Variants in RPS6KC1 observed in about 807,000 individuals in gnomAD.
The protein encoded by RPS6KC1 is inactive ribosomal protein S6 kinase delta-1.
Under a neutral mutation model 103.8 loss-of-function variants are expected in RPS6KC1, and 54 were observed. The observed-to-expected ratio is 0.52, with a 90% CI of 0.42 to 0.65. The LOEUF is 0.65. RPS6KC1 is among the 30% of genes least tolerant of loss of function. The probability of loss-of-function intolerance (pLI) is 0.00; values close to 1 mark genes in which losing one functional copy is unlikely to be tolerated. For synonymous variants in RPS6KC1, 439 were observed against 438.7 expected, an observed-to-expected ratio of 1.00 and a Z score of -0.01; for missense variants, 1,151 against 1,253.8, an observed-to-expected ratio of 0.92 and a Z score of 1.24.
chr1:213,060,570 T>C (rs2148345938), intron 1 of RPS6KC1, among the ~76,000 whole-genome samples: 1 of 152,330 alleles, frequency 6.6e-6, no homozygotes, highest in South Asian at 2.1e-4. Flanking sequence ...AAAATTTCAG[T>C]AAATGGAACT....
intron 6 of RPS6KC1, among the ~76,000 whole-genome samples, chr1:213,165,239 A>G (rs2090853011): frequency 6.6e-6 from 1 of 151,970 alleles, no homozygotes. Flanking sequence ...GTATTTATGT[A>G]TAAGGTTACT....
chr1:213,220,117 T>C (rs1476298467), intron 8 of RPS6KC1, among the ~76,000 whole-genome samples: 1 of 152,192 alleles, frequency 6.6e-6, no homozygotes, highest in East Asian at 1.9e-4. Flanking sequence ...TGTAGAAATA[T>C]TGATATTTAC....
the RPS6KC1 span, among the ~76,000 whole-genome samples, chr1:213,351,420 A>G: frequency 6.6e-6 from 1 of 152,208 alleles, no homozygotes; most frequent in Non-Finnish European, 1.5e-5. Context: ...GTAGCTTTGG[A>G]GCCAATGCAA....
At chr1:213,403,932 G>T in the RPS6KC1 span, among the ~76,000 whole-genome samples, 1 of 152,182 alleles carries the variant, frequency 6.6e-6, no homozygotes, top group Non-Finnish European at 1.5e-5. Context: ...CTGTGTCTTA[G>T]TTTGGGTTCT....
At chr1:213,444,128 C>T in the RPS6KC1 span, among the ~76,000 whole-genome samples, 1 of 152,124 alleles carries the variant, frequency 6.6e-6, no homozygotes, top group Admixed American at 6.5e-5. Context: ...CTTTAGCATT[C>T]CTTGGCTTGT....
At chr1:213,149,562 G>A (rs58900845) in intron 6 of RPS6KC1, among the ~76,000 whole-genome samples, 7,253 of 152,240 alleles carry the variant, frequency 0.048, 581 homozygotes, top group African/African-American at 0.17. Flanking sequence ...TTTGTGACCT[G>A]ACATATGGTC....
the RPS6KC1 span, among the ~76,000 whole-genome samples, chr1:213,516,712 G>T: frequency 6.6e-6 from 1 of 152,174 alleles, no homozygotes; most frequent in Admixed American, 6.5e-5. Context: ...TCTCTGCCAG[G>T]CTTTGGTGTC....
chr1:213,135,295 G>T (rs1023209955), intron 6 of RPS6KC1, among the ~76,000 whole-genome samples: 4 of 151,954 alleles, frequency 2.6e-5, no homozygotes, highest in African/African-American at 9.7e-5. Context: ...TTTATCTTAA[G>T]TTTGAACCCA....
chr1:213,269,372 C>T (rs61832499), intron 14 of RPS6KC1, among the ~76,000 whole-genome samples: 5,288 of 152,232 alleles, frequency 0.035, 114 homozygotes, highest in Middle Eastern at 0.054. Context: ...CTCAATACCC[C>T]ATTCTCCATG....
the RPS6KC1 span, among the ~76,000 whole-genome samples, chr1:213,287,832 TG>T: frequency 6.6e-5 from 10 of 152,220 alleles, no homozygotes; most frequent in Non-Finnish European, 1.3e-4. Flanking sequence ...CTAGCACCAC[TG>T]GGGCTCTAGA....
chr1:213,551,144 C>T, the RPS6KC1 span, among the ~76,000 whole-genome samples: 2 of 152,180 alleles, frequency 1.3e-5, no homozygotes, highest in Non-Finnish European at 2.9e-5. Context: ...AGCAATTCCC[C>T]TCCAGGTCCC....
chr1:213,313,307 C>G, the RPS6KC1 span, among the ~76,000 whole-genome samples: 1 of 152,052 alleles, frequency 6.6e-6, no homozygotes. Flanking sequence ...AGGGAGATGT[C>G]AGTCTCTTCT....
chr1:213,146,210 A>C (rs1389782859), intron 6 of RPS6KC1, among the ~76,000 whole-genome samples: 2 of 151,610 alleles, frequency 1.3e-5, no homozygotes, highest in African/African-American at 4.8e-5. Context: ...TGGCGTCGCA[A>C]ATGACAGGAT....
the RPS6KC1 span, among the ~76,000 whole-genome samples, chr1:213,742,912 G>A: frequency 2.0e-5 from 3 of 152,236 alleles, no homozygotes; most frequent in Non-Finnish European, 4.4e-5. Context: ...AGAGAAACGG[G>A]AACACTTATA....
chr1:213,575,987 G>A, the RPS6KC1 span, among the ~76,000 whole-genome samples: 2 of 152,132 alleles, frequency 1.3e-5, no homozygotes, highest in African/African-American at 4.8e-5. Context: ...GTAAAATGGG[G>A]GTTGTTTGAC....
chr1:213,083,362 C>T (rs2080079798), intron 3 of RPS6KC1, among the ~76,000 whole-genome samples: 1 of 152,206 alleles, frequency 6.6e-6, no homozygotes, highest in African/African-American at 2.4e-5. Context: ...ATTTGCCCTG[C>T]TGGATTTCAG....
At chr1:213,632,707 G>A in the RPS6KC1 span, among the ~76,000 whole-genome samples, 127 of 152,318 alleles carry the variant, frequency 8.3e-4, no homozygotes, top group African/African-American at 2.7e-3. Context: ...TTGATAAGTC[G>A]ACAGAAGCAG....
chr1:213,233,504 T>C (rs1036089216), intron 10 of RPS6KC1, among the ~76,000 whole-genome samples: 6 of 152,206 alleles, frequency 3.9e-5, no homozygotes, highest in African/African-American at 1.4e-4. Flanking sequence ...TTATAGTCAA[T>C]ATTCTATTAC....
chr1:213,788,890 G>T, the RPS6KC1 span, among the ~76,000 whole-genome samples: 1 of 135,284 alleles, frequency 7.4e-6, no homozygotes, highest in Non-Finnish European at 1.5e-5. Context: ...TAATTCCTCA[G>T]TTTCACACAC....
Sources: allele counts gnomAD v4.1 joint callset (sites outside exome capture counted in the v4.1 genomes callset), GRCh38; gene constraint gnomAD v4.1.1; transcripts MANE v1.5; gene names NCBI Gene and HGNC (gene_info 2026-07-23, HGNC 2026-07-21).